MAP2K5: variants seen among roughly 807,000 people sequenced by gnomAD.
MAP2K5 encodes mitogen-activated protein kinase kinase 5.
MAP2K5 carries 49 observed loss-of-function variants against 83.1 expected under a neutral mutation model. The ratio of observed to expected loss-of-function variants is 0.59; its 90% CI spans 0.47 to 0.75. The LOEUF (loss-of-function observed/expected upper bound fraction) is 0.75. Ranked by LOEUF, MAP2K5 falls within the 30% of genes least tolerant of loss-of-function variation. MAP2K5 has a pLI of 0.00. For synonymous variants in MAP2K5, 202 were observed against 191.8 expected (o/e 1.05, Z -0.44); for missense variants, 457 against 557.5 (o/e 0.82, Z 1.82).
At chr15:67,704,693 T>C (rs1369166649) in intron 16 of MAP2K5, among the ~76,000 whole-genome samples, 1 of 152,200 alleles carries the variant, frequency 6.6e-6, no homozygotes, top group Non-Finnish European at 1.5e-5. Context: ...ATAATGGTGG[T>C]CAGATCTCAG....
intron 17 of MAP2K5, among the ~76,000 whole-genome samples, chr15:67,737,639 AAG>A (rs1471683568): frequency 2.6e-5 from 4 of 152,064 alleles, no homozygotes; most frequent in Non-Finnish European, 5.9e-5. Flanking sequence ...ACCAGGTGGA[AAG>A]AGGGTCCCAG....
In MAP2K5 at chr15:67,758,112, G is replaced by C. The variant is rs920129812; in HGVS notation, c.1134+9511G>C. On this transcript the variant is annotated intron_variant, in intron 19 of 21. Transcript: ENST00000178640. The surrounding 1 kb of genome is among the most constrained non-coding windows in gnomAD (Gnocchi z 4.7). ...GGGAGACTGAAAGAGTTTTAAGCAA[G>C]AGGTCAACGTAGCCAGATTTGTGTT... Among the ~76,000 whole-genome samples the C allele has an allele frequency of 1.3e-5, 2 of 152,182 alleles. No individual in the cohort carries two copies. The highest frequency in any genetic ancestry group is 2.9e-5 in the Non-Finnish European group (2 of 68,016).
In MAP2K5 at chr15:67,758,790, A is replaced by G. The variant is rs1195272825; in HGVS notation, c.1134+10189A>G. The stretch of plus-strand genomic sequence containing the variant: ...CCCACAACACTCTATTTTACAGACA[A>G]GGAAACTGAGTGACAATCAAAGGGT... On this transcript the variant is annotated intron_variant, in intron 19 of 21. Coordinates refer to ENST00000178640, the MANE Select transcript of MAP2K5 (RefSeq NM_145160.3). The surrounding 1 kb of genome is among the most constrained non-coding windows in gnomAD (Gnocchi z 4.7). 2.0e-5 allele frequency among the ~76,000 whole-genome samples: 3 copies of G among 152,208 alleles called. No homozygotes were observed. Among genetic ancestry groups the G allele is most frequent in the Non-Finnish European group, 4.4e-5 (3 of 68,030 alleles).
rs965178357 is a variant in MAP2K5 at position 67,764,202 on chromosome 15, G to T, written c.1135-5400G>T. Among the ~76,000 whole-genome samples the T allele has an allele frequency of 1.3e-5, 2 of 152,210 alleles. No homozygotes were observed. Among genetic ancestry groups the T allele is most frequent in the Non-Finnish European group, 2.9e-5 (2 of 68,044 alleles). On this transcript the variant is annotated intron_variant, in intron 19 of 21. Transcript: ENST00000178640. The surrounding 1 kb of genome is among the most constrained non-coding windows in gnomAD (Gnocchi z 4.9). ...AACACCTTGAGATATTTGAGAGGTT[G>T]TCCCATCTTCCTTTGCTTTACTGCC...
intron 2 of MAP2K5, among the ~76,000 whole-genome samples, chr15:67,560,506 T>G (rs914258166): frequency 7.2e-5 from 11 of 152,276 alleles, no homozygotes; most frequent in African/African-American, 2.4e-4. Context: ...AGCCTGATTT[T>G]ATCCCCAGCC....
chr15:67,805,695 G>A (rs556267335), intron 21 of MAP2K5, among the ~76,000 whole-genome samples: 3 of 152,326 alleles, frequency 2.0e-5, no homozygotes, highest in Admixed American at 6.5e-5. Context: ...CTCTGTCCTC[G>A]CTATGGCTCC....
intron 21 of MAP2K5, among the ~76,000 whole-genome samples, chr15:67,784,048 G>T (rs1162655637): frequency 1.3e-5 from 2 of 152,120 alleles, no homozygotes; most frequent in Non-Finnish European, 2.9e-5. Flanking sequence ...TTAAAAAATT[G>T]ATTTATTATA....
rs946498022 is a variant in MAP2K5 at position 67,543,775 on chromosome 15, G to GT, written c.135+311dup. Among the ~76,000 whole-genome samples, 12 of 152,286 alleles carry GT rather than the reference G, an allele frequency of 7.9e-5. No individual in the cohort carries two copies. The highest frequency in any genetic ancestry group is 6.2e-4 in the South Asian group (3 of 4,832). On this transcript the variant is annotated intron_variant, in intron 1 of 21. Transcript: ENST00000178640. The surrounding 1 kb of genome is among the most constrained non-coding windows in gnomAD (Gnocchi z 4.3). The stretch of plus-strand genomic sequence containing the variant: ...GCAAACTGCTGAATCTAGAAGAGAG[G>GT]TTTTTTCCCCCCAAGTGTTTCGGGG...
Position 67,727,912 on chromosome 15 carries a change from C to G in MAP2K5, c.1045-4C>G. On this transcript the variant is annotated splice_region_variant and splice_polypyrimidine_tract_variant and intron_variant, in intron 16 of 21. Coordinates refer to ENST00000178640, the MANE Select transcript of MAP2K5 (RefSeq NM_145160.3). ...AACTAGACAAATATTATTTCCTTTC[C>G]CAGCTTGCTCTTGGGAGGTTTCCAT... 2 of 1,610,682 alleles carry G rather than the reference C, an allele frequency of 1.2e-6. No individual in the cohort carries two copies. Among genetic ancestry groups the G allele is most frequent in the Non-Finnish European group, 1.7e-6 (2 of 1,176,984 alleles).
chr15:67,637,910 A>ATATG lies in MAP2K5; in HGVS notation c.585+6984_585+6985insATGT, dbSNP rs1555535191. Among the ~76,000 whole-genome samples, 1 of 150,512 alleles carries ATATG rather than the reference A, an allele frequency of 6.6e-6. No individual in the cohort carries two copies. Among genetic ancestry groups the ATATG allele is most frequent in the Non-Finnish European group, 1.5e-5 (1 of 67,548 alleles). ...ATGTCCAATGTCTGGAAGCCTGTTG[A>ATATG]TGTGTGTGTGAGTGTGTGTGTATGT... On this transcript the variant is annotated intron_variant, in intron 9 of 21. Transcript: ENST00000178640. This position sits in a 1 kb window ranked among gnomAD's most constrained non-coding sequence, Gnocchi z 4.5.
At chr15:67,792,945 A>G (rs2090544222) in intron 21 of MAP2K5, among the ~76,000 whole-genome samples, 1 of 152,212 alleles carries the variant, frequency 6.6e-6, no homozygotes, top group South Asian at 2.1e-4. Context: ...ATTGTGTTTA[A>G]TATGGATTTT....
At chr15:67,727,496 C>T (rs866508930) in intron 16 of MAP2K5, among the ~76,000 whole-genome samples, 7 of 152,202 alleles carry the variant, frequency 4.6e-5, no homozygotes, top group African/African-American at 1.7e-4. Flanking sequence ...CCACTTCCTA[C>T]TACCCTCCAT....
intron 8 of MAP2K5, among the ~76,000 whole-genome samples, chr15:67,621,045 C>T (rs1316605901): frequency 2.7e-5 from 2 of 74,318 alleles, no homozygotes; most frequent in Admixed American, 3.4e-4. Context: ...CTATTTTAGA[C>T]TGTATTGGGA....
chr15:67,806,964 G>A lies in MAP2K5; in HGVS notation c.*214G>A, dbSNP rs113550303. The A allele has an allele frequency of 9.0e-4, 1,382 of 1,534,860 alleles. 19 individuals carry two copies. In the African/African-American group the frequency reaches 0.016, roughly 18 times the overall value. On this transcript the variant is annotated 3_prime_UTR_variant, in exon 22 of 22. Coordinates refer to ENST00000178640, the MANE Select transcript of MAP2K5 (RefSeq NM_145160.3). Reference sequence around the variant, plus strand: ...TCCCCATACCTTCTGGTTTGAAGGCGCTGACACTGGCAGAGAGGTAAAGGG... The same window carrying A: ...TCCCCATACCTTCTGGTTTGAAGGCACTGACACTGGCAGAGAGGTAAAGGG...
In MAP2K5 at chr15:67,806,735, G is replaced by A. The variant is rs947851338; in HGVS notation, c.1332G>A (p.Gln444=). 2 of 1,553,950 alleles carry A rather than the reference G, an allele frequency of 1.3e-6. No homozygotes were observed. Among genetic ancestry groups the A allele is most frequent in the Non-Finnish European group, 1.7e-6 (2 of 1,150,312 alleles). The stretch of plus-strand genomic sequence containing the variant: ...GGGCGCTGGAGGAGAGGCGGAGCCA[G>A]CAGGGGCCCCCGTGAGGCTGCCGCA... ...VCRALEERRS[Q]QGPP is the part of the protein sequence containing the mutation. Residue 444 remains glutamine (Q), a synonymous_variant, in exon 22 of 22, where the codon CAG becomes CAA. Coordinates refer to ENST00000178640, the MANE Select transcript of MAP2K5 (RefSeq NM_145160.3).
At chr15:67,607,946 A>G (rs976798314) in intron 8 of MAP2K5, among the ~76,000 whole-genome samples, 2 of 152,196 alleles carry the variant, frequency 1.3e-5, no homozygotes, top group Non-Finnish European at 2.9e-5. Context: ...CGTTATGGTA[A>G]TATTTCAAGT....
In MAP2K5 at chr15:67,563,528, C is replaced by G. The variant is rs973636401; in HGVS notation, c.252+178C>G. On this transcript the variant is annotated intron_variant, in intron 3 of 21. Transcript: ENST00000178640. The surrounding 1 kb of genome is among the most constrained non-coding windows in gnomAD (Gnocchi z 4.5). Reference sequence around the variant, plus strand: ...AGTTAAGGGCATTATTTTCAAAAGACACTTACTGATCATATCATAAACATT... The same window carrying G: ...AGTTAAGGGCATTATTTTCAAAAGAGACTTACTGATCATATCATAAACATT... Among the ~76,000 whole-genome samples the G allele has an allele frequency of 6.6e-6, 1 of 152,110 alleles. No homozygotes were observed. Among genetic ancestry groups the G allele is most frequent in the Admixed American group, 6.5e-5 (1 of 15,268 alleles).
chr15:67,659,326 T>G (rs2087174984), intron 12 of MAP2K5: 3 of 155,086 alleles, frequency 1.9e-5, no homozygotes, highest in Admixed American at 6.4e-5. Flanking sequence ...AGTGGTTTAA[T>G]GCAGAACAAA....
intron 16 of MAP2K5, among the ~76,000 whole-genome samples, chr15:67,715,986 A>G (rs1373229741): frequency 5.9e-5 from 9 of 152,210 alleles, no homozygotes; most frequent in Non-Finnish European, 8.8e-5. Flanking sequence ...TGTAGAAGAC[A>G]CAGATATAAG....
Sources: allele counts gnomAD v4.1 joint callset (sites outside exome capture counted in the v4.1 genomes callset), GRCh38; gene constraint gnomAD v4.1.1; non-coding constraint Gnocchi (gnomAD v3.1); transcripts MANE v1.5; gene names NCBI Gene and HGNC (gene_info 2026-07-23, HGNC 2026-07-21).